CD40LG: variants seen among roughly 807,000 people sequenced by gnomAD.
CD40LG encodes CD40 antigen ligand.
In CD40LG, 1 loss-of-function variant was observed where a neutral mutation model predicts 17.2. The ratio of observed to expected loss-of-function variants is 0.06; its 90% CI spans 0.02 to 0.28. The LOEUF is 0.28. CD40LG is among the 10% of genes least tolerant of loss of function. The pLI, the probability that CD40LG is intolerant of heterozygous loss-of-function variation, is 1.00. For missense variants in CD40LG, 133 were observed against 193.2 expected (o/e 0.69, Z 1.85); for synonymous variants, 66 against 74.4 (o/e 0.89, Z 0.58).
chrX:136,649,123 T>C (rs1469632532), intron 1 of CD40LG, among the ~76,000 whole-genome samples: 1 of 112,342 alleles, frequency 8.9e-6, no homozygotes, highest in Non-Finnish European at 1.9e-5. Flanking sequence ...AGGACTTATT[T>C]TGTTTTCATG....
chrX:136,654,229 A>C (rs1416384380), intron 2 of CD40LG, 144 bp from the exon 3 acceptor site: 1 of 518,637 alleles, frequency 1.9e-6, no homozygotes, highest in Non-Finnish European at 3.4e-6. Context: ...GCATGATGGA[A>C]TTAATGACAG....
chrX:136,649,987 A>G (rs1264142075), intron 1 of CD40LG, among the ~76,000 whole-genome samples: 1 of 112,670 alleles, frequency 8.9e-6, no homozygotes, highest in Non-Finnish European at 1.9e-5. Context: ...CTGCTATAGT[A>G]TGTTGAAAAA....
rs1238253313 is a variant in CD40LG at position 136,659,018 on chromosome X, C to T, written c.410-21C>T. The T allele has an allele frequency of 4.1e-6, 5 of 1,208,101 alleles. No individual in the cohort carries two copies. The South Asian group carries it at 5.3e-5, about 13-fold the overall frequency. ...ATGCTCTGCTTCACCTCACCACAAACTTTCCCTTTCTTTGTAACAGTGTTA... is the reference window on the plus strand; with the variant it reads ...ATGCTCTGCTTCACCTCACCACAAATTTTCCCTTTCTTTGTAACAGTGTTA... On this transcript the variant is annotated intron_variant, in intron 4 of 4. Transcript: ENST00000370629.
Position 136,648,263 on chromosome X carries a change from C to T in CD40LG, c.15C>T (p.Tyr5=). 8.3e-7 allele frequency: 1 copy of T among 1,204,782 alleles called. No homozygotes were observed. The highest frequency in any genetic ancestry group is 1.8e-5 in the South Asian group (1 of 56,780). MIET[Y]NQTSPRSAAT... is the part of the protein sequence containing the mutation. ...TTTAACACAGCATGATCGAAACATA[C>T]AACCAAACTTCTCCCCGATCTGCGG... Residue 5 remains tyrosine, a synonymous_variant, in exon 1 of 5, where the codon TAC becomes TAT. Coordinates refer to ENST00000370629, the MANE Select transcript of CD40LG (RefSeq NM_000074.3).
chrX:136,648,298 T>C lies in CD40LG; in HGVS notation c.50T>C (p.Leu17Pro), dbSNP rs2076094849. Residue 17 changes from leucine to proline, a missense_variant, in exon 1 of 5, where the codon CTG becomes CCG. Transcript: ENST00000370629. ...TCTCCCCGATCTGCGGCCACTGGAC[T>C]GCCCATCAGCATGAAAATTTTTATG... is the stretch of plus-strand genomic sequence containing the variant. ...QTSPRSAATG[L>P]PISMKIFMYL... 8.3e-7 allele frequency: 1 copy of C among 1,200,449 alleles called. No individual in the cohort carries two copies. Among genetic ancestry groups the C allele is most frequent in the Non-Finnish European group, 1.1e-6 (1 of 885,076 alleles).
Position 136,659,247 on chromosome X carries a change from C to G in CD40LG, c.618C>G (p.Leu206=). Residue 206 remains leucine (L), a synonymous_variant, in exon 5 of 5, where the codon CTC becomes CTG. Coordinates refer to ENST00000370629, the MANE Select transcript of CD40LG (RefSeq NM_000074.3). ...CCGGTAGATTCGAGAGAATCTTACT[C>G]AGAGCTGCAAATACCCACAGTTCCG... ...KSPGRFERIL[L]RAANTHSSAK... 4.1e-6 allele frequency: 5 copies of G among 1,211,661 alleles called. No individual in the cohort carries two copies. The highest frequency in any genetic ancestry group is 5.6e-6 in the Non-Finnish European group (5 of 895,163).
At chrX:136,651,136 T>A (rs2076102830) in intron 2 of CD40LG, among the ~76,000 whole-genome samples, 1 of 111,250 alleles carries the variant, frequency 9.0e-6, no homozygotes, top group Non-Finnish European at 1.9e-5. Flanking sequence ...TTTAGAACCT[T>A]TACATTAATT....
chrX:136,655,936 A>G (rs1341051490), intron 3 of CD40LG, among the ~76,000 whole-genome samples: 2 of 112,358 alleles, frequency 1.8e-5, no homozygotes, highest in Middle Eastern at 4.6e-3. Context: ...AGAAATAATT[A>G]AAGACAGATA....
In CD40LG at chrX:136,660,302, G is replaced by C. The variant is rs2076132828; in HGVS notation, c.*887G>C. On this transcript the variant is annotated 3_prime_UTR_variant, in exon 5 of 5. Transcript: ENST00000370629. ...TGACTGTATTTAAAGGAAATCTATT[G>C]TATCTACCTGCAGTCTCCATTGTTT... 9.0e-6 allele frequency: 1 copy of C among 110,982 alleles called. No homozygotes were observed. Among genetic ancestry groups the C allele is most frequent in the African/African-American group, 3.3e-5 (1 of 30,498 alleles). 9.1% of individuals were successfully genotyped at this position (110,982 alleles called of 1,213,427 possible).
At position 136,659,920 on chromosome X, in the gene CD40LG, ACCCCCCCCCC is replaced by A. The variant is rs57066772; in HGVS notation, c.*512_*521del. 111 of 18,682 alleles carry A rather than the reference ACCCCCCCCCC, an allele frequency of 5.9e-3. 11 individuals are homozygous for A. The highest frequency in any genetic ancestry group is 0.017 in the Non-Finnish European group (100 of 5,760). The allele number at this position is 18,682 out of a possible 1,213,427, so 1.5% of individuals were successfully genotyped here. ...ACGTCTAACACAGTGGAGAACCGAA[ACCCCCCCCCC>A]CCCCCCGCCACCCTCTCGGACAGTT... On this transcript the variant is annotated 3_prime_UTR_variant, in exon 5 of 5. Coordinates refer to ENST00000370629, the MANE Select transcript of CD40LG (RefSeq NM_000074.3).
At position 136,654,399 on chromosome X, in the gene CD40LG, G is replaced by A. The variant is rs778398894; in HGVS notation, c.315G>A (p.Thr105=). The change falls in exon 3 of 5, where the codon ACG becomes ACA. Residue 105 remains threonine, a synonymous_variant. Coordinates refer to ENST00000370629, the MANE Select transcript of CD40LG (RefSeq NM_000074.3). ...ATATAATGTTAAACAAAGAGGAGACGAAGAAAGAAAACAGCTTTGAAATGC... is the reference window on the plus strand; with the variant it reads ...ATATAATGTTAAACAAAGAGGAGACAAAGAAAGAAAACAGCTTTGAAATGC... ...VKDIMLNKEE[T]KKENSFEMQK... is the part of the protein sequence containing the mutation. The A allele has an allele frequency of 2.7e-5, 33 of 1,203,490 alleles. No individual in the cohort carries two copies. Among genetic ancestry groups the A allele is most frequent in the Non-Finnish European group, 3.5e-5 (31 of 888,046 alleles).
intron 4 of CD40LG, 25 bp downstream of exon 4, chrX:136,656,443 T>A: frequency 4.3e-6 from 5 of 1,164,639 alleles, no homozygotes; most frequent in African/African-American, 1.8e-5. Flanking sequence ...ATCTGAGCGG[T>A]AGCCACCCAA....
rs2076132478 is a variant in CD40LG at position 136,660,200 on chromosome X, T to TCCCTATCTCTA, written c.*788_*798dup. ...AGTCAGTTCTCTTCTTTCCACCCTG[T>TCCCTATCTCTA]CCCTATCTCTACCACTATAGATGAG... On this transcript the variant is annotated 3_prime_UTR_variant, in exon 5 of 5. Coordinates refer to ENST00000370629, the MANE Select transcript of CD40LG (RefSeq NM_000074.3). 1 of 105,754 alleles carries TCCCTATCTCTA rather than the reference T, an allele frequency of 9.5e-6. No homozygotes were observed. The highest frequency in any genetic ancestry group is 3.5e-5 in the African/African-American group (1 of 28,875). 8.7% of individuals were successfully genotyped at this position (105,754 alleles called of 1,213,427 possible). A position where few individuals can be genotyped will look rare whatever the true frequency, so the allele number is the denominator to read the frequency against.
At chrX:136,655,984 A>G (rs750608627) in intron 3 of CD40LG, among the ~76,000 whole-genome samples, 24 of 112,425 alleles carry the variant, frequency 2.1e-4, no homozygotes, top group Non-Finnish European at 4.1e-4. Flanking sequence ...TTCAGAAACC[A>G]TAAGAATCTT....
rs113033950 is a variant in CD40LG at position 136,653,781 on chromosome X, C to T, written c.289-592C>T. On this transcript the variant is annotated intron_variant, in intron 2 of 4. Transcript: ENST00000370629. ...ACCATTGGGAGATGGCCTGTGTTTC[C>T]GAAATGCTGATTATTCTAAGTAAAT... 6.7e-3 allele frequency among the ~76,000 whole-genome samples: 747 copies of T among 112,100 alleles called. 3 individuals carry two copies. Among genetic ancestry groups the T allele is most frequent in the African/African-American group, 0.023 (718 of 30,895 alleles).
chrX:136,658,008 T>C (rs1257361709), intron 4 of CD40LG, among the ~76,000 whole-genome samples: 2 of 111,612 alleles, frequency 1.8e-5, no homozygotes, highest in African/African-American at 6.5e-5. Context: ...TGCCCTTTTT[T>C]TCTCAATAAA....
rs1268162015 is a variant in CD40LG, at chrX:136,659,684, G to A, written c.*269G>A. ...AGACATCCAGAGAGTCCTATGAAAA[G>A]ACAAGGCCATTATGCACAGGTTGAA... On this transcript the variant is annotated 3_prime_UTR_variant, in exon 5 of 5. Transcript: ENST00000370629. 2.7e-6 allele frequency: 1 copy of A among 372,109 alleles called. No individual in the cohort carries two copies. The highest frequency in any genetic ancestry group is 2.6e-5 in the African/African-American group (1 of 39,169). The allele number at this position is 372,109 out of a possible 1,213,427, so 30.7% of individuals were successfully genotyped here. A position where few individuals can be genotyped will look rare whatever the true frequency, so the allele number is the denominator to read the frequency against.
chrX:136,652,641 C>A lies in CD40LG; in HGVS notation c.289-1732C>A, dbSNP rs113105049. Reference sequence around the variant, plus strand: ...ATCTCTGGAGGCAGGTAGCACTAATCTGTCATTTTGGGGGAAAGATGGTAT... The same window carrying A: ...ATCTCTGGAGGCAGGTAGCACTAATATGTCATTTTGGGGGAAAGATGGTAT... On this transcript the variant is annotated intron_variant, in intron 2 of 4. Transcript: ENST00000370629. Among the ~76,000 whole-genome samples, 78 of 111,495 alleles carry A rather than the reference C, an allele frequency of 7.0e-4. 1 individual carries two copies. The highest frequency in any genetic ancestry group is 1.3e-3 in the Non-Finnish European group (67 of 53,102).
At chrX:136,658,996 C>T (rs745581039) in intron 4 of CD40LG, 43 bp from the exon 5 acceptor site, 4 of 1,191,870 alleles carry the variant, frequency 3.4e-6, no homozygotes, top group Non-Finnish European at 4.6e-6. Flanking sequence ...GTGAACCATG[C>T]TCTGCTTCAC....
Sources: allele counts gnomAD v4.1 joint callset (sites outside exome capture counted in the v4.1 genomes callset), GRCh38; gene constraint gnomAD v4.1.1; transcripts MANE v1.5; gene names NCBI Gene and HGNC (gene_info 2026-07-23, HGNC 2026-07-21).